The following GPC4 variants were observed in gnomAD, a reference collection of about 807,000 sequenced individuals.
The protein encoded by GPC4 is glypican 4, also known as glypican-4.
In GPC4, 10 loss-of-function variants were observed where a neutral mutation model predicts 35.0. The ratio of observed to expected loss-of-function variants is 0.29; its 90% CI spans 0.18 to 0.48. The LOEUF is 0.48. Ranked by LOEUF, GPC4 falls within the 20% of genes least tolerant of loss-of-function variation. The pLI, the probability that GPC4 is intolerant of heterozygous loss-of-function variation, is 0.99. For missense variants in GPC4, 322 were observed against 451.3 expected (o/e 0.71, Z 2.60); for synonymous variants, 167 against 170.2 (o/e 0.98, Z 0.15).
chrX:133,403,067 G>A (rs1454087904), intron 1 of GPC4, among the ~76,000 whole-genome samples: 3 of 111,599 alleles, frequency 2.7e-5, no homozygotes, highest in Non-Finnish European at 5.6e-5. Context: ...CTCCAAGCAA[G>A]CCAAGAAAGA....
intron 1 of GPC4, among the ~76,000 whole-genome samples, chrX:133,364,622 TC>T (rs2068582276): frequency 8.9e-6 from 1 of 112,450 alleles, no homozygotes; most frequent in African/African-American, 3.2e-5. Flanking sequence ...ATTCTGAACT[TC>T]AATATACACA....
chrX:133,338,029 T>C (rs762534325), intron 2 of GPC4, among the ~76,000 whole-genome samples: 2 of 110,153 alleles, frequency 1.8e-5, no homozygotes, highest in African/African-American at 6.6e-5. Flanking sequence ...TTAGTTCAAC[T>C]ACATTATAGA....
chrX:133,357,554 T>C (rs1162883779), intron 1 of GPC4, among the ~76,000 whole-genome samples: 1 of 108,967 alleles, frequency 9.2e-6, no homozygotes, highest in Non-Finnish European at 1.9e-5. Context: ...CATCTGGTAT[T>C]TTTTTCGTTT....
chrX:133,304,729 T>G lies in GPC4; in HGVS notation c.1288A>C (p.Ser430Arg). The G allele has an allele frequency of 8.3e-7, 1 of 1,211,579 alleles. No homozygotes were observed. The highest frequency in any genetic ancestry group is 2.3e-4 in the Middle Eastern group (1 of 4,352). The change falls in exon 7 of 9, where the codon AGC (serine) becomes CGC (arginine). Residue 430 changes from serine to arginine, a missense_variant. Transcript: ENST00000370828. The stretch of plus-strand genomic sequence containing the variant: ...ATTCATTCAACAGACACTAACCTGC[T>G]TTTGCCTTTCCCATTCCAACAGTCA... Reference protein sequence around the residue: ...EDDCWNGKGKSRYLFAVTGNG... With the variant: ...EDDCWNGKGKRRYLFAVTGNG...
intron 1 of GPC4, among the ~76,000 whole-genome samples, chrX:133,376,992 C>T (rs2068636589): frequency 8.9e-6 from 1 of 111,899 alleles, no homozygotes; most frequent in African/African-American, 3.3e-5. Flanking sequence ...CTTCTTTTTC[C>T]ACTCCTAGAT....
chrX:133,312,152 TAAGTGGTCAAACAAAGGGAGAGC>T (rs1278104685), intron 3 of GPC4, among the ~76,000 whole-genome samples: 1 of 110,890 alleles, frequency 9.0e-6, no homozygotes, highest in Admixed American at 9.6e-5. Flanking sequence ...GGGCTGGACT[TAAGTGGTCAAACAAAGGGAGAGC>T]ATCCTGAGTT....
At chrX:133,370,431 T>C (rs1437053378) in intron 1 of GPC4, among the ~76,000 whole-genome samples, 1 of 112,224 alleles carries the variant, frequency 8.9e-6, no homozygotes, top group Non-Finnish European at 1.9e-5. Flanking sequence ...TAACTATTGA[T>C]GGAGCACAGG....
intron 1 of GPC4, among the ~76,000 whole-genome samples, chrX:133,396,756 C>T (rs2068745207): frequency 8.9e-6 from 1 of 111,973 alleles, no homozygotes; most frequent in Non-Finnish European, 1.9e-5. Context: ...GAAACACGAA[C>T]TTATCACTTT....
At chrX:133,407,790 C>T (rs1411475825) in intron 1 of GPC4, among the ~76,000 whole-genome samples, 1 of 112,368 alleles carries the variant, frequency 8.9e-6, no homozygotes, top group Non-Finnish European at 1.9e-5. Flanking sequence ...TGCCTTTTTC[C>T]CTGAAGCAGC....
chrX:133,330,543 T>G (rs1297776380), intron 2 of GPC4, among the ~76,000 whole-genome samples: 1 of 111,527 alleles, frequency 9.0e-6, no homozygotes, highest in Non-Finnish European at 1.9e-5. Context: ...TAAACAGGCA[T>G]TTTTTTCTCG....
At chrX:133,343,055 G>A (rs906126184) in intron 1 of GPC4, among the ~76,000 whole-genome samples, 18 of 111,417 alleles carry the variant, frequency 1.6e-4, no homozygotes, top group African/African-American at 5.5e-4. Flanking sequence ...CTGAACACGA[G>A]GACAACAGAA....
intron 2 of GPC4, among the ~76,000 whole-genome samples, chrX:133,330,547 T>C (rs1425249213): frequency 9.0e-6 from 1 of 111,601 alleles, no homozygotes; most frequent in Non-Finnish European, 1.9e-5. Context: ...CAGGCATTTT[T>C]TTCTCGAGCA....
chrX:133,413,645 T>G (rs1360022270), intron 1 of GPC4, among the ~76,000 whole-genome samples: 10 of 100,084 alleles, frequency 1.0e-4, no homozygotes, highest in African/African-American at 3.7e-4. Flanking sequence ...CCCCCCGGGC[T>G]CGAATCTCTC....
chrX:133,311,252 G>C lies in GPC4; in HGVS notation c.877+6C>G. 1.7e-6 allele frequency: 2 copies of C among 1,207,975 alleles called. No individual in the cohort carries two copies. The highest frequency in any genetic ancestry group is 2.2e-6 in the Non-Finnish European group (2 of 892,947). ...AGCAACACAAATATGTTAACCACTTGCTCACCTATGAAATTGTTCCATTCA... is the reference window on the plus strand; with the variant it reads ...AGCAACACAAATATGTTAACCACTTCCTCACCTATGAAATTGTTCCATTCA... On this transcript the variant is annotated splice_donor_region_variant and intron_variant, in intron 4 of 8. Coordinates refer to ENST00000370828, the MANE Select transcript of GPC4 (RefSeq NM_001448.3).
rs748736408 is a variant in GPC4 at position 133,377,300 on chromosome X, A to G, written c.160+37506T>C. Among the ~76,000 whole-genome samples the G allele has an allele frequency of 2.7e-5, 3 of 111,576 alleles. No individual in the cohort carries two copies. In the South Asian group the frequency reaches 1.1e-3, roughly 43 times the overall value. ...CATCTGTTGTCAGTGAGGGTAGAGC[A>G]GCCTTTTTAATACAATTTCCTCACA... On this transcript the variant is annotated intron_variant, in intron 1 of 8. Coordinates refer to ENST00000370828, the MANE Select transcript of GPC4 (RefSeq NM_001448.3).
chrX:133,406,002 T>C (rs751305022), intron 1 of GPC4, among the ~76,000 whole-genome samples: 4 of 112,574 alleles, frequency 3.6e-5, no homozygotes, highest in African/African-American at 9.7e-5. Flanking sequence ...TTCTGGATGG[T>C]TGCACCAGCT....
At position 133,409,320 on chromosome X, in the gene GPC4, TAAAAAAAAAAAAAA is replaced by T. The variant is rs36008423; in HGVS notation, c.160+5472_160+5485del. Among the ~76,000 whole-genome samples, 30 of 31,798 alleles carry T rather than the reference TAAAAAAAAAAAAAA, an allele frequency of 9.4e-4. 1 individual carries two copies. Among genetic ancestry groups the T allele is most frequent in the Middle Eastern group, 0.067 (2 of 30 alleles). 27.6% of individuals were successfully genotyped at this position (31,798 alleles called of 115,157 possible). A position where few individuals can be genotyped will look rare whatever the true frequency, so the allele number is the denominator to read the frequency against. ...TCTGGGCAACAGTGAGACCCTGCCT[TAAAAAAAAAAAAAA>T]AAAAAAAAAAAAAAAAAAAAAGTGT... is the stretch of plus-strand genomic sequence containing the variant. On this transcript the variant is annotated intron_variant, in intron 1 of 8. Transcript: ENST00000370828.
chrX:133,341,440 C>T (rs1187931242), intron 1 of GPC4, among the ~76,000 whole-genome samples: 4 of 111,703 alleles, frequency 3.6e-5, no homozygotes, highest in Non-Finnish European at 5.7e-5. Context: ...TTAAAGATTG[C>T]TATAAGCTAA....
At chrX:133,396,291 ATAGCGATAAATTCC>A (rs1255804475) in intron 1 of GPC4, among the ~76,000 whole-genome samples, 3 of 111,743 alleles carry the variant, frequency 2.7e-5, no homozygotes, top group East Asian at 5.6e-4. Flanking sequence ...ACTGTTGAAA[ATAGCGATAAATTCC>A]TTTACCATCA....
Sources: gnomAD v4.1 joint callset for allele counts (sites outside exome capture counted in the v4.1 genomes callset) on GRCh38, gnomAD v4.1.1 for gene constraint, MANE v1.5 for transcripts, NCBI Gene and HGNC (gene_info 2026-07-23, HGNC 2026-07-21) for gene names.